BRCA1: variants seen among roughly 807,000 people sequenced by gnomAD.
The protein encoded by BRCA1 is breast cancer type 1 susceptibility protein.
In BRCA1, 140 loss-of-function variants were observed where a neutral mutation model predicts 173.7. The observed-to-expected ratio is 0.81, with a 90% CI of 0.70 to 0.93. The LOEUF (loss-of-function observed/expected upper bound fraction) is 0.93. Ranked by LOEUF, BRCA1 falls within the 40% of genes least tolerant of loss-of-function variation. The probability of loss-of-function intolerance (pLI) is 0.00; values close to 1 mark genes in which losing one functional copy is unlikely to be tolerated. For missense variants in BRCA1, 1,983 were observed against 2,172.5 expected (o/e 0.91, Z 1.73); for synonymous variants, 662 against 756.0 (o/e 0.88, Z 2.04).
chr17:43,139,764 T>C (rs1287332234), intron 1 of BRCA1: 10 of 429,924 alleles, frequency 2.3e-5, no homozygotes, highest in African/African-American at 6.1e-5. Flanking sequence ...ATCATTTAGC[T>C]CCCACTTATA....
At position 43,093,758 on chromosome 17, in the gene BRCA1, TA is replaced by T. The variant is rs80357901; in HGVS notation, c.1772del (p.Ile591LysfsTer8). ...TATTTAATTCGAGTTCCATATTGCT[TA>T]TACTGCTGCTTATAGGTTCAGCTTT... Reference protein sequence around the residue: ...KTKAEPISSSISNMELELNIH... With the variant: ...KTKAEPISSSXSNMELELNIH... On this transcript the variant is annotated frameshift_variant, in exon 10 of 23. Coordinates refer to ENST00000357654, the MANE Select transcript of BRCA1 (RefSeq NM_007294.4). LOFTEE classifies it high-confidence loss of function. 1 of 1,614,046 alleles carries T rather than the reference TA, an allele frequency of 6.2e-7. No individual in the cohort carries two copies. The highest frequency in any genetic ancestry group is 8.5e-7 in the Non-Finnish European group (1 of 1,180,010).
intron 2 of BRCA1, among the ~76,000 whole-genome samples, chr17:43,122,921 G>C (rs1416855226): frequency 6.6e-6 from 1 of 151,598 alleles, no homozygotes; most frequent in African/African-American, 2.4e-5. Flanking sequence ...GCCGGGCGTG[G>C]TAGTGGGTGC....
intron 20 of BRCA1, among the ~76,000 whole-genome samples, chr17:43,050,496 T>G (rs1253062541): frequency 6.6e-6 from 1 of 151,216 alleles, no homozygotes; most frequent in Non-Finnish European, 1.5e-5. Flanking sequence ...GCCTGTAGTC[T>G]CAGCTATTTG....
At chr17:43,150,794 T>C (rs2056155952) in intron 1 of BRCA1, among the ~76,000 whole-genome samples, 1 of 152,058 alleles carries the variant, frequency 6.6e-6, no homozygotes. Context: ...GCAAAAAAAA[T>C]GTGCAGCTTT....
intron 1 of BRCA1, among the ~76,000 whole-genome samples, chr17:43,133,721 G>A (rs1055311860): frequency 1.0e-4 from 15 of 148,264 alleles, no homozygotes; most frequent in African/African-American, 3.5e-4. Flanking sequence ...TGCAAGCTCC[G>A]CCTCCCGGGT....
At chr17:43,090,261 C>G (rs773332235) in intron 11 of BRCA1, among the ~76,000 whole-genome samples, 145 of 152,166 alleles carry the variant, frequency 9.5e-4, no homozygotes, top group Non-Finnish European at 1.0e-3. Context: ...TAGGCATATT[C>G]TTAAAATGGA....
chr17:43,049,972 TA>T (rs1306609342), intron 20 of BRCA1: 3 of 397,970 alleles, frequency 7.5e-6, no homozygotes, highest in Non-Finnish European at 1.3e-5. Context: ...TATACCAAAG[TA>T]AAAAAACACT....
At chr17:43,052,881 T>G (rs2153184469) in intron 19 of BRCA1, among the ~76,000 whole-genome samples, 1 of 149,928 alleles carries the variant, frequency 6.7e-6, no homozygotes, top group East Asian at 1.9e-4. Context: ...TCTGTGTGTT[T>G]TTTTTTTTTT....
intron 1 of BRCA1, among the ~76,000 whole-genome samples, chr17:43,134,511 G>A (rs1180090439): frequency 1.3e-5 from 2 of 152,166 alleles, no homozygotes; most frequent in African/African-American, 4.8e-5. Flanking sequence ...GGGAATGCTT[G>A]TGCCAAGCCA....
intron 3 of BRCA1, chr17:43,110,587 CAAAAAAA>C: frequency 3.7e-5 from 10 of 270,858 alleles, no homozygotes; most frequent in South Asian, 7.9e-5. Flanking sequence ...GACCCTGTCT[CAAAAAAA>C]AAAAAAAAAA....
intron 19 of BRCA1, among the ~76,000 whole-genome samples, chr17:43,052,727 G>A (rs932790259): frequency 2.7e-5 from 4 of 148,616 alleles, no homozygotes; most frequent in African/African-American, 7.5e-5. Flanking sequence ...AAAAATACAC[G>A]GATGGCCTTT....
rs8176120 is a variant in BRCA1 at position 43,109,216 on chromosome 17, C to T, written c.135-2683G>A. On this transcript the variant is annotated intron_variant, in intron 3 of 22. Coordinates refer to ENST00000357654, the MANE Select transcript of BRCA1 (RefSeq NM_007294.4). ...TTCACTATATTGCCCAGTCTGGTCT[C>T]GAACTCCTGACCTCAAGTGATCCTC... Among the ~76,000 whole-genome samples, 48,022 of 151,794 alleles carry T rather than the reference C, an allele frequency of 0.32. 7,921 individuals are homozygous for T. The highest frequency in any genetic ancestry group is 0.49 in the South Asian group (2,370 of 4,808).
intron 14 of BRCA1, among the ~76,000 whole-genome samples, chr17:43,072,403 G>A (rs2052491338): frequency 6.6e-6 from 1 of 151,654 alleles, no homozygotes; most frequent in Non-Finnish European, 1.5e-5. Flanking sequence ...AAAGAGTACG[G>A]GTAATATTTT....
rs532420229 is a variant in BRCA1 at position 43,049,973 on chromosome 17, A to G, written c.5333-779T>C. On this transcript the variant is annotated intron_variant, in intron 20 of 22. Coordinates refer to ENST00000357654, the MANE Select transcript of BRCA1 (RefSeq NM_007294.4). ...ACCCTGGTTTCCACTATACCAAAGT[A>G]AAAAAACACTGAGAAATCCTTGAGT... 32 of 397,904 alleles carry G rather than the reference A, an allele frequency of 8.0e-5. No individual in the cohort carries two copies. The East Asian group carries it at 1.1e-3, about 14-fold the overall frequency. 24.6% of individuals were successfully genotyped at this position (397,904 alleles called of 1,614,324 possible).
At chr17:43,103,795 G>A (rs2054592560) in intron 6 of BRCA1, among the ~76,000 whole-genome samples, 2 of 152,006 alleles carry the variant, frequency 1.3e-5, no homozygotes, top group South Asian at 2.1e-4. Flanking sequence ...ATAAAGAGAT[G>A]TTGCCAGAAT....
chr17:43,102,411 C>T (rs943571783), intron 6 of BRCA1, among the ~76,000 whole-genome samples: 6 of 138,484 alleles, frequency 4.3e-5, no homozygotes, highest in Non-Finnish European at 6.0e-5. Context: ...GGCTGGAGTG[C>T]AGTGGCGCAA....
At position 43,070,999 on chromosome 17, in the gene BRCA1, A is replaced by G. The variant is rs1213264226; in HGVS notation, c.4915T>C (p.Leu1639=). Residue 1639 remains leucine, a synonymous_variant, in exon 15 of 23, where the codon TTG becomes CTG. Coordinates refer to ENST00000357654, the MANE Select transcript of BRCA1 (RefSeq NM_007294.4). ...TTGACCCTTTCTGTTGAAGCTGTCA[A>G]TTCTGGCTTCTCCCTGCTCACACTT... ...EESVSREKPE[L]TASTERVNKR... is the part of the protein sequence containing the mutation. 6 of 1,614,248 alleles carry G rather than the reference A, an allele frequency of 3.7e-6. No individual in the cohort carries two copies. The highest frequency in any genetic ancestry group is 8.5e-7 in the Non-Finnish European group (1 of 1,180,052).
intron 21 of BRCA1, among the ~76,000 whole-genome samples, chr17:43,048,506 TTCTC>T (rs200225694): frequency 7.2e-4 from 105 of 145,870 alleles, no homozygotes; most frequent in African/African-American, 1.4e-3. Flanking sequence ...CACCTAGCTT[TTCTC>T]TCTCTCTCTT....
chr17:43,106,492 G>A lies in BRCA1; in HGVS notation c.176C>T (p.Ser59Leu), dbSNP rs199522616. The A allele has an allele frequency of 4.4e-6, 7 of 1,604,856 alleles. No homozygotes were observed. Among genetic ancestry groups the A allele is most frequent in the Non-Finnish European group, 6.0e-6 (7 of 1,172,566 alleles). Residue 59 changes from serine to leucine, a missense_variant, in exon 4 of 23, where the codon TCA becomes TTA. By Grantham distance (145) the Ser-to-Leu change is moderately radical. Transcript: ENST00000357654. ...LKLLNQKKGPSQCPLCKNDIT... is the reference protein window; with the variant it reads ...LKLLNQKKGPLQCPLCKNDIT... Reference sequence around the variant, plus strand: ...ATCATTCTTACATAAAGGACACTGTGAAGGCCCTTTCTTCTGGTTGAGAAG... The same window carrying A: ...ATCATTCTTACATAAAGGACACTGTAAAGGCCCTTTCTTCTGGTTGAGAAG...
Sources: allele counts gnomAD v4.1 joint callset (sites outside exome capture counted in the v4.1 genomes callset), GRCh38; gene constraint gnomAD v4.1.1; transcripts MANE v1.5; gene names NCBI Gene and HGNC (gene_info 2026-07-23, HGNC 2026-07-21).